RICTOR: variants seen among roughly 807,000 people sequenced by gnomAD.
RICTOR encodes rapamycin-insensitive companion of mTOR.
RICTOR carries 49 observed loss-of-function variants against 214.9 expected under a neutral mutation model. The ratio of observed to expected loss-of-function variants is 0.23; its 90% CI spans 0.18 to 0.29. The LOEUF is 0.29. Among genes scored for constraint, RICTOR ranks in the 10% least tolerant of loss-of-function variants. RICTOR has a pLI of 1.00. For synonymous variants in RICTOR, 717 were observed against 711.3 expected (o/e 1.01, Z -0.13); for missense variants, 1,625 against 2,047.0 (o/e 0.79, Z 3.98).
Position 39,017,679 on chromosome 5 carries a change from A to G in RICTOR, c.195+3360T>C, listed in dbSNP as rs191049537. ...TGTACTTGCTTCTCTAGCTATAGAA[A>G]AAAACCTATATTTATTGCACAATAC... On this transcript the variant is annotated intron_variant, in intron 3 of 37. Transcript: ENST00000357387. 1.3e-3 allele frequency among the ~76,000 whole-genome samples: 192 copies of G among 152,306 alleles called. 2 individuals are homozygous for G. The highest frequency in any genetic ancestry group is 0.011 in the Admixed American group (163 of 15,288).
chr5:39,058,463 A>G (rs908469864), intron 2 of RICTOR, among the ~76,000 whole-genome samples: 1 of 152,126 alleles, frequency 6.6e-6, no homozygotes, highest in African/African-American at 2.4e-5. Context: ...TATATCTATT[A>G]GAAAATCCAT....
At chr5:38,945,418 G>A (rs1489637790) in intron 34 of RICTOR, 73 bp downstream of exon 34, 10 of 1,044,644 alleles carry the variant, frequency 9.6e-6, no homozygotes, top group African/African-American at 3.2e-5. Flanking sequence ...ATACCAAAAA[G>A]AAATTTGGAA....
intron 3 of RICTOR, among the ~76,000 whole-genome samples, chr5:39,018,007 T>C (rs1755096535): frequency 1.3e-5 from 2 of 152,154 alleles, no homozygotes; most frequent in Non-Finnish European, 2.9e-5. Context: ...AAACATAAAA[T>C]GATTCTTTCA....
intron 2 of RICTOR, among the ~76,000 whole-genome samples, chr5:39,066,603 T>G (rs1366411781): frequency 1.3e-5 from 2 of 152,262 alleles, no homozygotes; most frequent in Non-Finnish European, 2.9e-5. Flanking sequence ...CAAACCTTTA[T>G]GCAGTGCTTC....
chr5:38,960,748 C>T (rs1400825032), intron 19 of RICTOR, among the ~76,000 whole-genome samples: 1 of 13,590 alleles, frequency 7.4e-5, no homozygotes, highest in African/African-American at 1.1e-4. Context: ...TCCCATAATC[C>T]CCACATGTCA....
intron 32 of RICTOR, among the ~76,000 whole-genome samples, 165 bp from the exon 33 acceptor site, chr5:38,946,717 C>T (rs1579867824): frequency 6.6e-6 from 1 of 152,076 alleles, no homozygotes; most frequent in East Asian, 1.9e-4. Flanking sequence ...CAAAATAACC[C>T]AAAAAGTCCT....
At chr5:39,028,884 C>CAAGACCCAGTCTCTT (rs1393962901) in intron 2 of RICTOR, among the ~76,000 whole-genome samples, 2 of 152,136 alleles carry the variant, frequency 1.3e-5, no homozygotes, top group East Asian at 3.9e-4. Context: ...GGTGCCAGAG[C>CAAGACCCAGTCTCTT]AAGACCCAGT....
chr5:39,040,724 A>G (rs1219340289), intron 2 of RICTOR, among the ~76,000 whole-genome samples: 1 of 152,114 alleles, frequency 6.6e-6, no homozygotes, highest in Non-Finnish European at 1.5e-5. Flanking sequence ...TCTATACTAT[A>G]AAAGACAGTT....
intron 2 of RICTOR, among the ~76,000 whole-genome samples, chr5:39,064,480 T>C (rs376981335): frequency 6.6e-6 from 1 of 152,228 alleles, no homozygotes; most frequent in Non-Finnish European, 1.5e-5. Flanking sequence ...ATTTAGATTA[T>C]ATATTTAGCA....
At chr5:38,998,715 T>C (rs1753361710) in intron 5 of RICTOR, among the ~76,000 whole-genome samples, 1 of 151,962 alleles carries the variant, frequency 6.6e-6, no homozygotes, top group African/African-American at 2.4e-5. Flanking sequence ...CCTGAAATCT[T>C]TAAATAAAAC....
rs1431914073 is a variant in RICTOR, at chr5:38,955,681, G to A, written c.2523C>T (p.Asp841=). ...CTTCATTGAGTTGTTCCTCAATCAA[G>A]TCAACATATTTGGAGTTGTATTCCT... ...WHREYNSKYV[D]LIEEQLNEAL... Residue 841 remains aspartate (D), a synonymous_variant, in exon 26 of 38, where the codon GAC becomes GAT. Transcript: ENST00000357387. 1 of 1,599,746 alleles carries A rather than the reference G, an allele frequency of 6.3e-7. No homozygotes were observed. Among genetic ancestry groups the A allele is most frequent in the South Asian group, 1.1e-5 (1 of 90,798 alleles).
At position 38,944,993 on chromosome 5, in the gene RICTOR, A is replaced by C. The variant is rs1298392165; in HGVS notation, c.4709T>G (p.Phe1570Cys). The stretch of plus-strand genomic sequence containing the variant: ...ATCACTGCATCCAGAAATCCCCGAA[A>C]ACTTAGAGGGAACCACTTCTAAAGG... Reference protein sequence around the residue: ...HNPLEVVPSKFSGISGCSDGV... With the variant: ...HNPLEVVPSKCSGISGCSDGV... The change falls in exon 35 of 38, where the codon TTT (phenylalanine) becomes TGT (cysteine). Residue 1570 changes from phenylalanine to cysteine, a missense_variant. Phe to Cys is a radical substitution (Grantham distance 205). Coordinates refer to ENST00000357387, the MANE Select transcript of RICTOR (RefSeq NM_152756.5). 10 of 1,613,398 alleles carry C rather than the reference A, an allele frequency of 6.2e-6. No individual in the cohort carries two copies. The highest frequency in any genetic ancestry group is 8.5e-6 in the Non-Finnish European group (10 of 1,179,476).
intron 2 of RICTOR, among the ~76,000 whole-genome samples, chr5:39,030,791 T>C (rs1756221878): frequency 6.6e-6 from 1 of 152,254 alleles, no homozygotes; most frequent in South Asian, 2.1e-4. Context: ...TTGTTGTTGC[T>C]AACAGTACTC....
At chr5:39,013,835 T>A (rs982924223) in intron 3 of RICTOR, among the ~76,000 whole-genome samples, 9 of 152,124 alleles carry the variant, frequency 5.9e-5, no homozygotes, top group Non-Finnish European at 1.2e-4. Context: ...AAGATATATA[T>A]ACACACATAC....
chr5:38,960,940 T>C (rs759537263), intron 19 of RICTOR, among the ~76,000 whole-genome samples: 2 of 152,102 alleles, frequency 1.3e-5, no homozygotes, highest in Admixed American at 6.6e-5. Flanking sequence ...TCTGCCACAA[T>C]TATGTTTCCT....
At chr5:38,963,071 G>A (rs772769315) in intron 16 of RICTOR, 30 bp from the exon 17 acceptor site, 12 of 1,532,678 alleles carry the variant, frequency 7.8e-6, no homozygotes, top group African/African-American at 1.4e-5. Flanking sequence ...AATCAATACA[G>A]TAGCAAGACC....
At chr5:39,005,274 A>G (rs1438195985) in intron 3 of RICTOR, among the ~76,000 whole-genome samples, 1 of 152,122 alleles carries the variant, frequency 6.6e-6, no homozygotes, top group Admixed American at 6.5e-5. Context: ...ACTTCTGTCC[A>G]AACTCTCCTT....
At chr5:39,047,413 G>A (rs1487475844) in intron 2 of RICTOR, among the ~76,000 whole-genome samples, 2 of 152,164 alleles carry the variant, frequency 1.3e-5, no homozygotes, top group African/African-American at 4.8e-5. Context: ...GGCAGAGCAG[G>A]TGGTAATGTA....
intron 2 of RICTOR, among the ~76,000 whole-genome samples, chr5:39,036,341 G>C (rs905589623): frequency 1.3e-5 from 2 of 152,062 alleles, no homozygotes; most frequent in Non-Finnish European, 2.9e-5. Context: ...AGGAACAACG[G>C]GTACCAGCCA....
Sources: allele counts gnomAD v4.1 joint callset (sites outside exome capture counted in the v4.1 genomes callset), GRCh38; gene constraint gnomAD v4.1.1; transcripts MANE v1.5; gene names NCBI Gene and HGNC (gene_info 2026-07-23, HGNC 2026-07-21).